Variants in SORBS3 observed in about 807,000 individuals in gnomAD.
SORBS3 encodes vinexin.
In SORBS3, 69 loss-of-function variants were observed where a neutral mutation model predicts 98.0. The observed-to-expected ratio is 0.70, with a 90% CI of 0.58 to 0.86. SORBS3 has a LOEUF of 0.86. Ranked by LOEUF, SORBS3 falls within the 40% of genes least tolerant of loss-of-function variation. The pLI is 0.00. For missense variants in SORBS3, 954 were observed against 908.5 expected, an observed-to-expected ratio of 1.05 and a Z score of -0.64; for synonymous variants, 394 against 355.4, an observed-to-expected ratio of 1.11 and a Z score of -1.22.
Position 22,561,847 on chromosome 8 carries a change from C to T in SORBS3, c.518-18C>T. Reference sequence around the variant, plus strand: ...CTCCTCCCACCTTCAATGCTTTCCTCGTGTACCTCCTCTGCAGACCCCAGG... The same window carrying T: ...CTCCTCCCACCTTCAATGCTTTCCTTGTGTACCTCCTCTGCAGACCCCAGG... On this transcript the variant is annotated intron_variant, in intron 6 of 20. Coordinates refer to ENST00000240123, the MANE Select transcript of SORBS3 (RefSeq NM_005775.5). 6.2e-7 allele frequency: 1 copy of T among 1,612,446 alleles called. No individual in the cohort carries two copies. The highest frequency in any genetic ancestry group is 1.1e-5 in the South Asian group (1 of 91,052).
intron 16 of SORBS3, among the ~76,000 whole-genome samples, chr8:22,567,446 G>A (rs1337545578): frequency 2.6e-5 from 4 of 152,216 alleles, no homozygotes; most frequent in Admixed American, 2.6e-4. Context: ...ATTCAGATCC[G>A]TCTTTCTAAA....
rs1840423063 is a variant in SORBS3 at position 22,566,436 on chromosome 8, A to C, written c.1042A>C (p.Ser348Arg). The C allele has an allele frequency of 3.7e-6, 6 of 1,613,982 alleles. No homozygotes were observed. Among genetic ancestry groups the C allele is most frequent in the Non-Finnish European group, 5.1e-6 (6 of 1,179,928 alleles). ...TCCCCACAAAATGGCTGATGGAGGA[A>C]GCCCCTTCCTAGGTCGGAGGGACTT... ...LSPHKMADGG[S>R]PFLGRRDFVY... Residue 348 changes from serine to arginine, a missense_variant, in exon 13 of 21, where the codon AGC becomes CGC. By Grantham distance (110) the Ser-to-Arg change is moderately radical. Coordinates refer to ENST00000240123, the MANE Select transcript of SORBS3 (RefSeq NM_005775.5).
Position 22,571,703 on chromosome 8 carries a change from C to G in SORBS3, c.1744-15C>G. On this transcript the variant is annotated splice_polypyrimidine_tract_variant and intron_variant, in intron 18 of 20. Coordinates refer to ENST00000240123, the MANE Select transcript of SORBS3 (RefSeq NM_005775.5). ...TTCCTCCCTCTGACATCCCTTTCTTCCTGTCAACTCCCAGAATCTTGGCAC... is the reference window on the plus strand; with the variant it reads ...TTCCTCCCTCTGACATCCCTTTCTTGCTGTCAACTCCCAGAATCTTGGCAC... 1 of 1,593,914 alleles carries G rather than the reference C, an allele frequency of 6.3e-7. No individual in the cohort carries two copies. Among genetic ancestry groups the G allele is most frequent in the Non-Finnish European group, 8.6e-7 (1 of 1,161,764 alleles).
In SORBS3 at chr8:22,554,887, T is replaced by A; in HGVS notation, c.127T>A (p.Ser43Thr). Residue 43 changes from serine to threonine, a missense_variant, in exon 3 of 21, where the codon TCC (serine) becomes ACC (threonine). By Grantham distance (58) the Ser-to-Thr change is moderately conservative. Coordinates refer to ENST00000240123, the MANE Select transcript of SORBS3 (RefSeq NM_005775.5). This position sits in a 1 kb window ranked among gnomAD's most constrained non-coding sequence, Gnocchi z 6.5. ...GGTGCCCGTGATCCGGAATGGTGGC[T>A]CCAACACCCTTAATTTCCAGTTCCA... is the stretch of plus-strand genomic sequence containing the variant. ...TRVPVIRNGG[S>T]NTLNFQFHDP... is the part of the protein sequence containing the mutation. The A allele has an allele frequency of 6.2e-7, 1 of 1,610,006 alleles. No individual in the cohort carries two copies. Among genetic ancestry groups the A allele is most frequent in the East Asian group, 2.2e-5 (1 of 44,590 alleles).
chr8:22,572,585 G>A, intron 20 of SORBS3, 139 bp downstream of exon 20: 2 of 698,300 alleles, frequency 2.9e-6, no homozygotes, highest in Non-Finnish European at 4.9e-6. Flanking sequence ...TACTGGGGGG[G>A]CCTGGCACCC....
At chr8:22,553,248 G>A (rs150503097) in intron 1 of SORBS3, among the ~76,000 whole-genome samples, 2 of 151,972 alleles carry the variant, frequency 1.3e-5, no homozygotes, top group African/African-American at 2.4e-5. Flanking sequence ...AGTCATATTC[G>A]CAGCTCTGCA....
At chr8:22,558,664 A>C (rs989861213) in intron 5 of SORBS3, among the ~76,000 whole-genome samples, 7 of 152,366 alleles carry the variant, frequency 4.6e-5, no homozygotes, top group Admixed American at 2.6e-4. Context: ...CTAGGTGCCA[A>C]AGATCAAAGG....
chr8:22,569,296 G>A, intron 17 of SORBS3, 23 bp downstream of exon 17: 1 of 1,563,694 alleles, frequency 6.4e-7, no homozygotes, highest in Non-Finnish European at 8.7e-7. Flanking sequence ...GGAGACGGAG[G>A]GGTGGGTGGG....
Position 22,554,126 on chromosome 8 carries a change from C to T in SORBS3, c.-55-326C>T, listed in dbSNP as rs1324777112. On this transcript the variant is annotated intron_variant, in intron 1 of 20. Transcript: ENST00000240123. The surrounding 1 kb of genome is among the most constrained non-coding windows in gnomAD (Gnocchi z 6.5). ...CTTCCCTCCGGGGGAGTGGGGAAGC[C>T]AGCTGCACCCGTGCAGGGAGAGCCC... is the stretch of plus-strand genomic sequence containing the variant. The T allele has an allele frequency of 5.5e-6, 1 of 181,138 alleles. No individual in the cohort carries two copies. The highest frequency in any genetic ancestry group is 1.2e-5 in the Non-Finnish European group (1 of 86,332). The allele number at this position is 181,138 out of a possible 1,614,324, so 11.2% of individuals were successfully genotyped here.
chr8:22,572,230 C>T, intron 19 of SORBS3, 110 bp from the exon 20 acceptor site: 1 of 846,386 alleles, frequency 1.2e-6, no homozygotes, highest in Non-Finnish European at 2.0e-6. Context: ...GGAGCTGGAT[C>T]AGGGGCTAGT....
chr8:22,554,606 C>T lies in SORBS3; in HGVS notation c.100C>T (p.Arg34Trp), dbSNP rs148763733. 4.2e-5 allele frequency: 68 copies of T among 1,611,420 alleles called. No individual in the cohort carries two copies. The African/African-American group carries it at 5.5e-4, about 13-fold the overall frequency. Residue 34 changes from arginine to tryptophan, a missense_variant and splice_region_variant, in exon 2 of 21, where the codon CGG becomes TGG. Physicochemically the swap from Arg to Trp is moderately radical, Grantham distance 101. Coordinates refer to ENST00000240123, the MANE Select transcript of SORBS3 (RefSeq NM_005775.5). The surrounding 1 kb of genome is among the most constrained non-coding windows in gnomAD (Gnocchi z 6.5). ...CATAGGGTCTTCCTCCCGGGGGACACGGGTGAGTGAGTCAGTAGGGAGGAG... is the reference window on the plus strand; with the variant it reads ...CATAGGGTCTTCCTCCCGGGGGACATGGGTGAGTGAGTCAGTAGGGAGGAG... ...SHIGSSSRGT[R>W]VPVIRNGGSN...
chr8:22,548,906 A>C (rs765174753), upstream of SORBS3, among the ~76,000 whole-genome samples: 1 of 152,126 alleles, frequency 6.6e-6, no homozygotes, highest in Non-Finnish European at 1.5e-5. Flanking sequence ...AGTGACCCGC[A>C]TTCCACCGCC....
chr8:22,564,753 G>C, intron 10 of SORBS3: 1 of 1,414,934 alleles, frequency 7.1e-7, no homozygotes, highest in Non-Finnish European at 9.2e-7. Context: ...AAAAGGGAGT[G>C]GTCAGTGCGC....
At chr8:22,567,210 CTGGGA>C in intron 16 of SORBS3, 35 bp downstream of exon 16, 1 of 1,163,102 alleles carries the variant, frequency 8.6e-7, no homozygotes, top group Non-Finnish European at 1.3e-6. Context: ...TGGGGCTGGG[CTGGGA>C]GGGCGCAGGG....
intron 1 of SORBS3, chr8:22,545,211 T>C (rs1393817013): frequency 6.6e-6 from 1 of 152,490 alleles, no homozygotes; most frequent in Non-Finnish European, 1.5e-5. Context: ...CAAAACTGGC[T>C]TGCCACAGTC....
intron 17 of SORBS3, among the ~76,000 whole-genome samples, chr8:22,569,594 T>C (rs959076329): frequency 2.0e-5 from 3 of 152,138 alleles, no homozygotes; most frequent in Non-Finnish European, 4.4e-5. Context: ...CGCCTCAGCC[T>C]CCTAAAGTGT....
Position 22,558,289 on chromosome 8 carries a change from G to C in SORBS3, c.478+97G>C, listed in dbSNP as rs1840226604. ...AAGAAAAGGGGACTTAGCTGCTCAA[G>C]GGGTTCTTCTCCACCTTCTCCCAGG... is the stretch of plus-strand genomic sequence containing the variant. On this transcript the variant is annotated intron_variant, in intron 5 of 20. Transcript: ENST00000240123. 4.3e-6 allele frequency: 5 copies of C among 1,156,732 alleles called. No homozygotes were observed. The South Asian group carries it at 4.9e-5, about 11-fold the overall frequency. 71.7% of individuals were successfully genotyped at this position (1,156,732 alleles called of 1,614,324 possible). A position where few individuals can be genotyped will look rare whatever the true frequency, so the allele number is the denominator to read the frequency against.
At chr8:22,565,448 G>C in intron 11 of SORBS3, 94 bp downstream of exon 11, 2 of 1,014,754 alleles carry the variant, frequency 2.0e-6, no homozygotes, top group Non-Finnish European at 2.7e-6. Flanking sequence ...GCGGAGGACG[G>C]GCAGCCGAGG....
chr8:22,551,744 C>T (rs2117199501), upstream of SORBS3: 5 of 985,196 alleles, frequency 5.1e-6, no homozygotes, highest in South Asian at 2.3e-4. The surrounding 1 kb of genome is among the most constrained non-coding windows in gnomAD (Gnocchi z 5.8). Flanking sequence ...TCCTCTCCGG[C>T]CCAGCCCCGG....
Sources: gnomAD v4.1 joint callset for allele counts (sites outside exome capture counted in the v4.1 genomes callset) on GRCh38, gnomAD v4.1.1 for gene constraint, Gnocchi (gnomAD v3.1) non-coding constraint, MANE v1.5 for transcripts, NCBI Gene and HGNC (gene_info 2026-07-23, HGNC 2026-07-21) for gene names.